Variants in GYS2 observed in about 807,000 individuals in gnomAD.
The protein encoded by GYS2 is glycogen [starch] synthase, liver.
GYS2 carries 80 observed loss-of-function variants against 85.6 expected under a neutral mutation model. That is an observed-to-expected ratio of 0.93 (90% CI 0.78 to 1.13). The LOEUF is 1.13. Ranked by LOEUF, GYS2 falls within the 50% of genes most tolerant of loss-of-function variation. The probability of loss-of-function intolerance (pLI) is 0.00; values close to 1 mark genes in which losing one functional copy is unlikely to be tolerated. For missense variants in GYS2, 881 were observed against 854.9 expected (o/e 1.03, Z -0.38); for synonymous variants, 328 against 300.7 (o/e 1.09, Z -0.94).
At chr12:21,586,925 T>C (rs1204434676) in intron 1 of GYS2, among the ~76,000 whole-genome samples, 2 of 152,144 alleles carry the variant, frequency 1.3e-5, no homozygotes, top group South Asian at 2.1e-4. Flanking sequence ...TCAACCTAAA[T>C]GTCTACCAAT....
chr12:21,549,726 T>G (rs992342570), intron 11 of GYS2, among the ~76,000 whole-genome samples: 5 of 152,252 alleles, frequency 3.3e-5, no homozygotes, highest in Non-Finnish European at 7.3e-5. Context: ...CTTTGGCAGA[T>G]ATATCACAGA....
chr12:21,569,099 C>A, intron 4 of GYS2, 90 bp from the exon 5 acceptor site: 1 of 1,341,292 alleles, frequency 7.5e-7, no homozygotes, highest in Admixed American at 1.7e-5. Context: ...AAGTGGCTTA[C>A]CTCAAGGCTG....
At chr12:21,598,783 G>A (rs1373294224) in intron 1 of GYS2, among the ~76,000 whole-genome samples, 2 of 152,068 alleles carry the variant, frequency 1.3e-5, no homozygotes, top group Non-Finnish European at 2.9e-5. Flanking sequence ...TTACCACAGC[G>A]TAGGTCATTG....
At chr12:21,540,879 G>C (rs1354086018) in intron 13 of GYS2, among the ~76,000 whole-genome samples, 1 of 152,060 alleles carries the variant, frequency 6.6e-6, no homozygotes, top group Non-Finnish European at 1.5e-5. Context: ...GCGGGGCCTG[G>C]ATATCTGTGC....
intron 1 of GYS2, among the ~76,000 whole-genome samples, chr12:21,594,504 G>T (rs1265135472): frequency 1.3e-5 from 2 of 152,032 alleles, no homozygotes; most frequent in Non-Finnish European, 2.9e-5. Context: ...ATTTACAATA[G>T]CTAAAAAATA....
intron 11 of GYS2, among the ~76,000 whole-genome samples, chr12:21,556,212 T>C (rs1329977347): frequency 6.6e-6 from 1 of 152,168 alleles, no homozygotes; most frequent in Non-Finnish European, 1.5e-5. Context: ...GGAGTCTCAC[T>C]CTGTCACCCA....
intron 5 of GYS2, among the ~76,000 whole-genome samples, chr12:21,567,022 G>A (rs1565602268): frequency 6.6e-6 from 1 of 152,148 alleles, no homozygotes; most frequent in Non-Finnish European, 1.5e-5. Flanking sequence ...AAAGTAGAAT[G>A]TGCAGTGTCA....
At chr12:21,544,888 C>T (rs181745937) in intron 12 of GYS2, among the ~76,000 whole-genome samples, 84 of 152,252 alleles carry the variant, frequency 5.5e-4, no homozygotes, top group African/African-American at 1.9e-3. Context: ...ACCAAACATG[C>T]CCAGCCCTCA....
chr12:21,601,310 A>C (rs1944753999), intron 1 of GYS2, among the ~76,000 whole-genome samples: 1 of 152,084 alleles, frequency 6.6e-6, no homozygotes, highest in Non-Finnish European at 1.5e-5. Context: ...ACTACTTAGT[A>C]CTTCCCACTA....
intron 4 of GYS2, among the ~76,000 whole-genome samples, chr12:21,570,602 G>C (rs192869769): frequency 5.9e-5 from 9 of 152,358 alleles, no homozygotes; most frequent in Non-Finnish European, 1.0e-4. Flanking sequence ...TTCTGGGAAA[G>C]TTATTTTTAG....
chr12:21,540,388 G>T (rs1301976860), intron 14 of GYS2, 22 bp downstream of exon 14: 1 of 1,605,268 alleles, frequency 6.2e-7, no homozygotes. Context: ...GTGGTCTGCT[G>T]TGTTTATCTA....
intron 1 of GYS2, among the ~76,000 whole-genome samples, chr12:21,597,867 C>T (rs10770843): frequency 0.92 from 140,707 of 152,204 alleles, 65,702 homozygotes; most frequent in East Asian, 1. Context: ...TTCAACCATA[C>T]AAATATAAAA....
At chr12:21,571,677 A>C (rs1944386938) in intron 4 of GYS2, among the ~76,000 whole-genome samples, 1 of 152,064 alleles carries the variant, frequency 6.6e-6, no homozygotes, top group Admixed American at 6.6e-5. Context: ...ATTAAGAAAA[A>C]AAAGGCCGGG....
intron 11 of GYS2, among the ~76,000 whole-genome samples, chr12:21,551,824 G>A (rs1158695800): frequency 6.6e-6 from 1 of 152,082 alleles, no homozygotes; most frequent in Non-Finnish European, 1.5e-5. Flanking sequence ...TCATCAAACT[G>A]GCAACCCGTT....
intron 1 of GYS2, among the ~76,000 whole-genome samples, chr12:21,600,574 G>T (rs1054461010): frequency 3.3e-5 from 5 of 152,222 alleles, no homozygotes; most frequent in African/African-American, 1.2e-4. Context: ...AAACTTCTGT[G>T]TTAACAAAAA....
intron 11 of GYS2, among the ~76,000 whole-genome samples, chr12:21,552,038 A>G (rs565186141): frequency 1.6e-4 from 25 of 152,320 alleles, no homozygotes; most frequent in Non-Finnish European, 2.6e-4. Context: ...AAACCAGCCA[A>G]TTGCAGAAGC....
chr12:21,578,383 T>C (rs1477214133), intron 2 of GYS2, among the ~76,000 whole-genome samples: 1 of 152,178 alleles, frequency 6.6e-6, no homozygotes, highest in Non-Finnish European at 1.5e-5. Flanking sequence ...CCTTGACCCA[T>C]TGCATGAATG....
downstream of GYS2, chr12:21,533,029 A>T (rs889722503): frequency 6.6e-6 from 1 of 152,236 alleles, no homozygotes; most frequent in African/African-American, 2.4e-5. Context: ...TGAACAAGTG[A>T]TCATAGATCA....
intron 1 of GYS2, among the ~76,000 whole-genome samples, chr12:21,585,544 T>C (rs1160100468): frequency 2.1e-5 from 3 of 141,560 alleles, no homozygotes; most frequent in African/African-American, 8.0e-5. Flanking sequence ...AATAAAGGTT[T>C]GGGTCACTCC....
Sources: gnomAD v4.1 joint callset for allele counts (sites outside exome capture counted in the v4.1 genomes callset) on GRCh38, gnomAD v4.1.1 for gene constraint, MANE v1.5 for transcripts, NCBI Gene and HGNC (gene_info 2026-07-23, HGNC 2026-07-21) for gene names.